COX7B2: variants seen among roughly 807,000 people sequenced by gnomAD.
The protein encoded by COX7B2 is cytochrome c oxidase subunit 7B2, mitochondrial.
For synonymous variants in COX7B2, 37 were observed against 32.1 expected (o/e 1.15, Z -0.51); for missense variants, 109 against 95.9 (o/e 1.14, Z -0.57).
chr4:46,837,269 A>C (rs1228201763), intron 2 of COX7B2, among the ~76,000 whole-genome samples: 3 of 136,062 alleles, frequency 2.2e-5, no homozygotes, highest in Non-Finnish European at 3.1e-5. Flanking sequence ...GAACACACAA[A>C]GACATACACA....
At chr4:46,867,977 A>G (rs544885208) in intron 1 of COX7B2, among the ~76,000 whole-genome samples, 15 of 152,194 alleles carry the variant, frequency 9.9e-5, no homozygotes, top group Non-Finnish European at 1.9e-4. Context: ...TACATCTGGT[A>G]GAATCTGGCT....
intron 1 of COX7B2, among the ~76,000 whole-genome samples, chr4:46,866,704 C>T (rs992481207): frequency 1.3e-5 from 2 of 152,110 alleles, no homozygotes; most frequent in South Asian, 2.1e-4. Flanking sequence ...CAACACAGGT[C>T]GGGCACTGAA....
intron 1 of COX7B2, among the ~76,000 whole-genome samples, chr4:46,903,224 AC>A (rs1239781630): frequency 6.6e-6 from 1 of 152,218 alleles, no homozygotes; most frequent in African/African-American, 2.4e-5. Context: ...TATGAGCTAC[AC>A]CTTGAAAATG....
chr4:46,790,583 C>T (rs1431613425), intron 2 of COX7B2, among the ~76,000 whole-genome samples: 1 of 152,194 alleles, frequency 6.6e-6, no homozygotes, highest in Non-Finnish European at 1.5e-5. Context: ...TTAGAGTCAT[C>T]CCAAACTGTA....
intron 2 of COX7B2, among the ~76,000 whole-genome samples, chr4:46,822,234 T>C (rs1425171646): frequency 6.6e-6 from 1 of 152,130 alleles, no homozygotes; most frequent in Non-Finnish European, 1.5e-5. Flanking sequence ...ATAGAAAATA[T>C]GGGAGTTTTT....
At chr4:46,854,942 AT>A (rs965080926) in intron 1 of COX7B2, among the ~76,000 whole-genome samples, 4 of 151,984 alleles carry the variant, frequency 2.6e-5, no homozygotes, top group African/African-American at 4.8e-5. Flanking sequence ...ATCAGATTAT[AT>A]TTTTTCTTTT....
chr4:46,743,761 CT>C (rs1012325941), intron 2 of COX7B2, among the ~76,000 whole-genome samples: 5 of 152,058 alleles, frequency 3.3e-5, no homozygotes, highest in African/African-American at 7.2e-5. Context: ...ACATGCCATG[CT>C]TTTTTTCCCC....
chr4:46,832,084 G>A (rs954493407), intron 2 of COX7B2, among the ~76,000 whole-genome samples: 1 of 152,286 alleles, frequency 6.6e-6, no homozygotes, highest in African/African-American at 2.4e-5. Context: ...GAGAATAAAA[G>A]CAAGCTGCCC....
At chr4:46,764,679 C>CAAAAAAAAAAAAAAAAGAAAAAAA (rs1716420336) in intron 2 of COX7B2, among the ~76,000 whole-genome samples, 1 of 129,088 alleles carries the variant, frequency 7.7e-6, no homozygotes. Context: ...GACTCCGCCT[C>CAAAAAAAAAAAAAAAAGAAAAAAA]AAAAAAAAAA....
At chr4:46,874,041 C>G (rs112424603) in intron 1 of COX7B2, among the ~76,000 whole-genome samples, 1 of 151,642 alleles carries the variant, frequency 6.6e-6, no homozygotes, top group Non-Finnish European at 1.5e-5. Flanking sequence ...GATCATGGAC[C>G]CTATGCAGAA....
intron 2 of COX7B2, among the ~76,000 whole-genome samples, chr4:46,809,387 T>A (rs559558914): frequency 4.1e-4 from 62 of 151,984 alleles, no homozygotes; most frequent in Admixed American, 1.6e-3. Context: ...AGATATTTCT[T>A]CTTTTTAATG....
At chr4:46,787,556 TA>T (rs555337760) in intron 2 of COX7B2, among the ~76,000 whole-genome samples, 56 of 152,244 alleles carry the variant, frequency 3.7e-4, no homozygotes, top group African/African-American at 1.3e-3. Context: ...GTTGACTAAA[TA>T]ACATTAGAAA....
At chr4:46,736,984 T>C (rs1298079417) in intron 2 of COX7B2, among the ~76,000 whole-genome samples, 1 of 152,176 alleles carries the variant, frequency 6.6e-6, no homozygotes, top group Non-Finnish European at 1.5e-5. Context: ...AGGAGCGTGA[T>C]TGCTGAATCA....
intron 2 of COX7B2, among the ~76,000 whole-genome samples, chr4:46,823,975 C>T (rs554916604): frequency 2.0e-5 from 3 of 151,864 alleles, no homozygotes; most frequent in African/African-American, 4.8e-5. Context: ...CTATAAAACT[C>T]TATTCCCCCA....
chr4:46,740,473 T>TA (rs1395873303), intron 2 of COX7B2, among the ~76,000 whole-genome samples: 2 of 152,120 alleles, frequency 1.3e-5, no homozygotes, highest in African/African-American at 4.8e-5. Flanking sequence ...AGTTATTTTG[T>TA]AATAAAATAA....
chr4:46,836,920 T>G (rs1715552680), intron 2 of COX7B2, among the ~76,000 whole-genome samples: 1 of 152,132 alleles, frequency 6.6e-6, no homozygotes, highest in African/African-American at 2.4e-5. Context: ...CAGCCTACCC[T>G]TAATTGAAAC....
intron 2 of COX7B2, among the ~76,000 whole-genome samples, chr4:46,842,332 C>A (rs562361695): frequency 1.6e-4 from 25 of 152,072 alleles, no homozygotes; most frequent in Non-Finnish European, 3.4e-4. Context: ...AATGAATTAA[C>A]AAATCAGTAG....
chr4:46,741,517 C>G (rs1002161428), intron 2 of COX7B2, among the ~76,000 whole-genome samples: 1 of 152,050 alleles, frequency 6.6e-6, no homozygotes, highest in African/African-American at 2.4e-5. Context: ...TCCCCTATCA[C>G]TTCTCCGCCA....
chr4:46,805,863 T>A (rs891811344), intron 2 of COX7B2, among the ~76,000 whole-genome samples: 5 of 152,186 alleles, frequency 3.3e-5, no homozygotes, highest in Non-Finnish European at 7.4e-5. Flanking sequence ...TCTATATATT[T>A]AAAGACATGG....
Sources: allele counts gnomAD v4.1 joint callset (sites outside exome capture counted in the v4.1 genomes callset), GRCh38; gene constraint gnomAD v4.1.1; transcripts MANE v1.5; gene names NCBI Gene and HGNC (gene_info 2026-07-23, HGNC 2026-07-21).